CSMD1: variants seen among roughly 807,000 people sequenced by gnomAD.
CSMD1 encodes the protein CUB and Sushi multiple domains 1, also known as CUB and sushi domain-containing protein 1.
A neutral mutation model predicts 417.5 loss-of-function variants in CSMD1; 213 were observed. The ratio of observed to expected loss-of-function variants is 0.51; its 90% CI spans 0.46 to 0.57. The LOEUF (loss-of-function observed/expected upper bound fraction) is 0.57, where lower values mean the gene tolerates loss of function less well. CSMD1 is among the 20% of genes least tolerant of loss of function. The pLI is 0.00. For missense variants in CSMD1, 6,923 were observed against 4,529.7 expected, an observed-to-expected ratio of 1.53 and a Z score of -15.17; for synonymous variants, 2,862 against 1,736.8, an observed-to-expected ratio of 1.65 and a Z score of -16.11.
intron 18 of CSMD1, among the ~76,000 whole-genome samples, chr8:3,375,793 T>C (rs949244124): frequency 5.3e-5 from 8 of 152,252 alleles, no homozygotes; most frequent in South Asian, 2.1e-4. Flanking sequence ...CCTATGGCCA[T>C]AGACCAGCAC....
rs768817128 is a variant in CSMD1 at position 3,604,042 on chromosome 8, T to G, written c.1097+12668A>C. On this transcript the variant is annotated intron_variant, in intron 8 of 69. Coordinates refer to ENST00000635120, the MANE Select transcript of CSMD1 (RefSeq NM_033225.6). ...CAACCTGTAAATGTAAATGCATTCCTGATATAAAAGTAAAATTAAATAACT... is the reference window on the plus strand; with the variant it reads ...CAACCTGTAAATGTAAATGCATTCCGGATATAAAAGTAAAATTAAATAACT... Among the ~76,000 whole-genome samples, 27 of 152,342 alleles carry G rather than the reference T, an allele frequency of 1.8e-4. No homozygotes were observed. The Middle Eastern group carries it at 0.014, about 77-fold the overall frequency.
At chr8:3,733,545 A>G (rs1279802868) in intron 6 of CSMD1, among the ~76,000 whole-genome samples, 1 of 151,916 alleles carries the variant, frequency 6.6e-6, no homozygotes, top group Non-Finnish European at 1.5e-5. Context: ...GAAAAAAACA[A>G]CTCTTAAGTT....
chr8:3,999,192 A>G (rs6985195), intron 4 of CSMD1, among the ~76,000 whole-genome samples: 51,393 of 151,186 alleles, frequency 0.34, 9,099 homozygotes, highest in African/African-American at 0.39. Context: ...AATACTTCCT[A>G]TCCATAATAT....
intron 49 of CSMD1, among the ~76,000 whole-genome samples, chr8:3,059,554 C>T (rs1296830863): frequency 6.6e-6 from 1 of 152,068 alleles, no homozygotes. Context: ...AGGCATGTAG[C>T]TTATAGGAGG....
At position 3,003,389 on chromosome 8, in the gene CSMD1, A is replaced by G. The variant is rs562885394; in HGVS notation, c.8030-3258T>C. Among the ~76,000 whole-genome samples the G allele has an allele frequency of 5.9e-5, 9 of 152,180 alleles. No individual in the cohort carries two copies. In the South Asian group the frequency reaches 1.2e-3, roughly 21 times the overall value. ...TGAGTCATCTACACAAAACCTAGAA[A>G]GCCTCTCTGTCTTCCCTCAGGATGA... On this transcript the variant is annotated intron_variant, in intron 52 of 69. Coordinates refer to ENST00000635120, the MANE Select transcript of CSMD1 (RefSeq NM_033225.6).
intron 7 of CSMD1, among the ~76,000 whole-genome samples, chr8:3,684,327 T>C (rs1799828267): frequency 6.9e-6 from 1 of 145,884 alleles, no homozygotes; most frequent in South Asian, 2.1e-4. Context: ...TATAGCTATA[T>C]GTTATATATT....
chr8:3,504,759 G>C (rs746498615), intron 10 of CSMD1, among the ~76,000 whole-genome samples: 2 of 152,034 alleles, frequency 1.3e-5, no homozygotes, highest in Admixed American at 6.6e-5. Context: ...TCTTAAGTGT[G>C]GTTTTCACAA....
intron 3 of CSMD1, among the ~76,000 whole-genome samples, chr8:4,388,131 A>G (rs575554753): frequency 6.6e-6 from 1 of 152,294 alleles, no homozygotes; most frequent in South Asian, 2.1e-4. Flanking sequence ...AAATGTAATT[A>G]TTTAAAAACT....
intron 1 of CSMD1, among the ~76,000 whole-genome samples, chr8:4,845,717 G>T (rs138191169): frequency 6.6e-6 from 1 of 152,178 alleles, no homozygotes; most frequent in Non-Finnish European, 1.5e-5. Context: ...GCTGTTTGCC[G>T]AAAGCACAGA....
At chr8:3,391,595 G>A (rs1158585049) in intron 17 of CSMD1, among the ~76,000 whole-genome samples, 2 of 152,200 alleles carry the variant, frequency 1.3e-5, no homozygotes, top group Non-Finnish European at 2.9e-5. Context: ...AAGACTGAGT[G>A]CATGAAGCAG....
At chr8:3,493,601 A>C (rs374288354) in intron 11 of CSMD1, 22 bp downstream of exon 11, 470 of 1,583,592 alleles carry the variant, frequency 3.0e-4, no homozygotes, top group Non-Finnish European at 3.8e-4. Context: ...TAAGAGAAGA[A>C]GAAGCTCAAG....
At chr8:4,963,254 G>T (rs913734229) in intron 1 of CSMD1, among the ~76,000 whole-genome samples, 2 of 152,138 alleles carry the variant, frequency 1.3e-5, no homozygotes, top group East Asian at 1.9e-4. Context: ...AGGCTGGAGT[G>T]CAGTGGTGCA....
intron 51 of CSMD1, among the ~76,000 whole-genome samples, chr8:3,028,426 A>T (rs1285130136): frequency 6.6e-6 from 1 of 152,194 alleles, no homozygotes; most frequent in Non-Finnish European, 1.5e-5. Flanking sequence ...CACCGTTCAG[A>T]GTGACAAGCA....
intron 1 of CSMD1, among the ~76,000 whole-genome samples, chr8:4,958,358 A>T (rs1430268798): frequency 6.6e-6 from 1 of 152,188 alleles, no homozygotes; most frequent in Non-Finnish European, 1.5e-5. Context: ...AACATGGTTG[A>T]TCTTTACCCA....
intron 3 of CSMD1, among the ~76,000 whole-genome samples, chr8:4,236,943 TCA>T (rs1451055656): frequency 1.3e-5 from 2 of 152,204 alleles, no homozygotes; most frequent in African/African-American, 2.4e-5. Flanking sequence ...AAGTTCAAGT[TCA>T]GTTTCCTCAG....
At chr8:4,633,861 C>G (rs1310091742) in intron 2 of CSMD1, among the ~76,000 whole-genome samples, 1 of 151,922 alleles carries the variant, frequency 6.6e-6, no homozygotes, top group Non-Finnish European at 1.5e-5. Context: ...ATGCTTAGCC[C>G]AAGACATGTT....
intron 41 of CSMD1, among the ~76,000 whole-genome samples, chr8:3,119,250 C>CATAATAA (rs771543565): frequency 1.3e-5 from 2 of 151,760 alleles, no homozygotes; most frequent in Non-Finnish European, 2.9e-5. Context: ...GAACATATAC[C>CATAATAA]TAATAATTCC....
intron 7 of CSMD1, among the ~76,000 whole-genome samples, chr8:3,667,176 T>C (rs759114632): frequency 2.0e-5 from 3 of 152,254 alleles, no homozygotes; most frequent in South Asian, 2.1e-4. Flanking sequence ...CACATTCTAA[T>C]GATAAGACAA....
intron 11 of CSMD1, among the ~76,000 whole-genome samples, chr8:3,481,259 GA>G (rs1458659162): frequency 2.0e-5 from 3 of 147,002 alleles, no homozygotes; most frequent in Admixed American, 6.8e-5. Context: ...GAAAAGAAAA[GA>G]AACTTTTACC....
Sources: allele counts gnomAD v4.1 joint callset (sites outside exome capture counted in the v4.1 genomes callset), GRCh38; gene constraint gnomAD v4.1.1; transcripts MANE v1.5; gene names NCBI Gene and HGNC (gene_info 2026-07-23, HGNC 2026-07-21).